SCAPER: variants seen among roughly 807,000 people sequenced by gnomAD.
SCAPER encodes the protein S-phase cyclin A associated protein in the ER.
Under a neutral mutation model 182.2 loss-of-function variants are expected in SCAPER, and 98 were observed. That is an observed-to-expected ratio of 0.54 (90% CI 0.46 to 0.64). SCAPER has a LOEUF of 0.64. Among genes scored for constraint, SCAPER ranks in the 30% least tolerant of loss-of-function variants. The probability of loss-of-function intolerance (pLI) is 0.00; values close to 1 mark genes in which losing one functional copy is unlikely to be tolerated. For missense variants in SCAPER, 1,432 were observed against 1,690.0 expected, an observed-to-expected ratio of 0.85 and a Z score of 2.68; for synonymous variants, 605 against 564.6, an observed-to-expected ratio of 1.07 and a Z score of -1.01.
At chr15:76,619,738 C>T (rs913447188) in intron 22 of SCAPER, among the ~76,000 whole-genome samples, 2 of 152,068 alleles carry the variant, frequency 1.3e-5, no homozygotes, top group African/African-American at 4.8e-5. Context: ...ATCCTGTTAG[C>T]TTTTTAAGAT....
At chr15:76,503,763 T>G (rs1215474135) in intron 24 of SCAPER, among the ~76,000 whole-genome samples, 2 of 152,168 alleles carry the variant, frequency 1.3e-5, no homozygotes, top group African/African-American at 4.8e-5. Flanking sequence ...CTAGAACCCA[T>G]GTTTGTCCTA....
chr15:76,886,739 A>G (rs1394113498), intron 1 of SCAPER, among the ~76,000 whole-genome samples: 2 of 152,214 alleles, frequency 1.3e-5, no homozygotes, highest in Non-Finnish European at 2.9e-5. Flanking sequence ...TAGCAAAGAC[A>G]TGGAATCAAC....
At chr15:76,860,620 T>C (rs1294154208) in intron 3 of SCAPER, among the ~76,000 whole-genome samples, 3 of 152,142 alleles carry the variant, frequency 2.0e-5, no homozygotes, top group African/African-American at 7.2e-5. Context: ...GGGGCAAAGA[T>C]AAACTTTATA....
intron 23 of SCAPER, among the ~76,000 whole-genome samples, chr15:76,567,791 T>C (rs553064383): frequency 1.3e-5 from 2 of 152,260 alleles, no homozygotes; most frequent in South Asian, 4.1e-4. Context: ...ATTATATATA[T>C]GTAAAATATT....
intron 24 of SCAPER, among the ~76,000 whole-genome samples, chr15:76,494,254 G>C (rs1302652306): frequency 6.6e-6 from 1 of 152,174 alleles, no homozygotes; most frequent in Non-Finnish European, 1.5e-5. Flanking sequence ...ATAGCACACA[G>C]AAATGTTGTA....
intron 23 of SCAPER, among the ~76,000 whole-genome samples, chr15:76,540,063 G>A (rs1002588683): frequency 1.3e-5 from 2 of 152,064 alleles, no homozygotes; most frequent in Non-Finnish European, 2.9e-5. Flanking sequence ...AATTCCCAGG[G>A]TGAAGTAAAA....
At chr15:76,672,242 A>C (rs2057073210) in intron 20 of SCAPER, among the ~76,000 whole-genome samples, 1 of 152,242 alleles carries the variant, frequency 6.6e-6, no homozygotes, top group African/African-American at 2.4e-5. Context: ...ATCTCTATGA[A>C]GTTAGAATGG....
intron 23 of SCAPER, among the ~76,000 whole-genome samples, chr15:76,534,216 G>A (rs118159268): frequency 0.022 from 3,395 of 152,264 alleles, 79 homozygotes; most frequent in Admixed American, 0.071. Context: ...CCCTGTATTT[G>A]AAAGTTACGA....
intron 24 of SCAPER, among the ~76,000 whole-genome samples, chr15:76,476,047 T>A (rs920844334): frequency 8.5e-5 from 13 of 152,166 alleles, no homozygotes; most frequent in Non-Finnish European, 1.5e-5. Flanking sequence ...ACACAAACAG[T>A]ATCCTACAAG....
intron 23 of SCAPER, among the ~76,000 whole-genome samples, chr15:76,515,898 TG>T (rs1334249002): frequency 6.6e-6 from 1 of 152,150 alleles, no homozygotes; most frequent in African/African-American, 2.4e-5. Flanking sequence ...AGCCCATCAA[TG>T]AGAAAGAAAA....
Position 76,492,350 on chromosome 15 carries a change from T to C in SCAPER, c.2954+12509A>G, listed in dbSNP as rs889287472. Among the ~76,000 whole-genome samples, 4 of 152,240 alleles carry C rather than the reference T, an allele frequency of 2.6e-5. No homozygotes were observed. The South Asian group carries it at 8.3e-4, about 31-fold the overall frequency. On this transcript the variant is annotated intron_variant, in intron 24 of 31. Coordinates refer to ENST00000563290, the MANE Select transcript of SCAPER (RefSeq NM_020843.4). ...AAGTAGAATTACTAGTAAATACATA[T>C]TATTAAAACAATGAATTTTAAATTA...
intron 21 of SCAPER, among the ~76,000 whole-genome samples, chr15:76,629,049 C>A (rs768030128): frequency 6.6e-6 from 1 of 152,208 alleles, no homozygotes; most frequent in Non-Finnish European, 1.5e-5. Context: ...AATTGCAGTT[C>A]ATCCATGATT....
intron 22 of SCAPER, among the ~76,000 whole-genome samples, chr15:76,604,098 C>T (rs2050146132): frequency 8.3e-6 from 1 of 119,796 alleles, no homozygotes; most frequent in African/African-American, 2.5e-5. Flanking sequence ...AAGTCCTTGC[C>T]CATGCCTATG....
chr15:76,356,727 A>T (rs865908069), intron 29 of SCAPER, among the ~76,000 whole-genome samples: 1 of 152,162 alleles, frequency 6.6e-6, no homozygotes, highest in Non-Finnish European at 1.5e-5. Context: ...AGAGTGCACA[A>T]GGCCAACACA....
At chr15:76,559,237 G>A (rs771586777) in intron 23 of SCAPER, among the ~76,000 whole-genome samples, 2 of 116,130 alleles carry the variant, frequency 1.7e-5, no homozygotes, top group Non-Finnish European at 3.4e-5. Flanking sequence ...GGTATTTTTA[G>A]TAGAGACGGG....
At chr15:76,722,708 T>C (rs2060327709) in intron 17 of SCAPER, among the ~76,000 whole-genome samples, 1 of 152,230 alleles carries the variant, frequency 6.6e-6, no homozygotes, top group African/African-American at 2.4e-5. Flanking sequence ...TTCTAGTTTA[T>C]TTGCATAGAG....
chr15:76,845,862 C>A (rs1419781940), intron 4 of SCAPER, among the ~76,000 whole-genome samples: 1 of 151,816 alleles, frequency 6.6e-6, no homozygotes, highest in Non-Finnish European at 1.5e-5. Context: ...ATATACAGAA[C>A]CACAAAAAAC....
At chr15:76,865,508 T>C (rs998037211) in intron 2 of SCAPER, among the ~76,000 whole-genome samples, 5 of 152,110 alleles carry the variant, frequency 3.3e-5, no homozygotes, top group African/African-American at 9.7e-5. Flanking sequence ...TTGAGTTTCG[T>C]CATAAAGGAG....
intron 22 of SCAPER, among the ~76,000 whole-genome samples, chr15:76,608,106 T>C (rs1317289735): frequency 6.6e-6 from 1 of 152,172 alleles, no homozygotes; most frequent in Non-Finnish European, 1.5e-5. Flanking sequence ...ATTTTTAGAG[T>C]TTCCAGTTTT....
Sources: gnomAD v4.1 joint callset for allele counts (sites outside exome capture counted in the v4.1 genomes callset) on GRCh38, gnomAD v4.1.1 for gene constraint, MANE v1.5 for transcripts, NCBI Gene and HGNC (gene_info 2026-07-23, HGNC 2026-07-21) for gene names.